CNTNAP4: variants seen among roughly 807,000 people sequenced by gnomAD.
The protein encoded by CNTNAP4 is contactin associated protein family member 4.
In CNTNAP4, 98 loss-of-function variants were observed where a neutral mutation model predicts 148.4. The observed-to-expected ratio is 0.66, with a 90% CI of 0.56 to 0.78. CNTNAP4 has a LOEUF of 0.78. CNTNAP4 is among the 30% of genes least tolerant of loss of function. CNTNAP4 has a pLI of 0.00. For synonymous variants in CNTNAP4, 730 were observed against 565.1 expected (o/e 1.29, Z -4.14); for missense variants, 1,935 against 1,565.6 (o/e 1.24, Z -3.98).
intron 17 of CNTNAP4, among the ~76,000 whole-genome samples, chr16:76,523,611 A>ATT (rs1442906907): frequency 5.9e-5 from 9 of 152,166 alleles, no homozygotes; most frequent in Non-Finnish European, 1.2e-4. Context: ...ATAAAACACT[A>ATT]TAAAGCAGAA....
At chr16:76,406,825 GA>G (rs2078613829) in intron 3 of CNTNAP4, among the ~76,000 whole-genome samples, 1 of 152,166 alleles carries the variant, frequency 6.6e-6, no homozygotes, top group African/African-American at 2.4e-5. Context: ...GTTGGTTCAT[GA>G]GGTTCAAGAA....
chr16:76,338,630 C>G (rs1228581002), intron 2 of CNTNAP4, among the ~76,000 whole-genome samples: 1 of 152,134 alleles, frequency 6.6e-6, no homozygotes, highest in Non-Finnish European at 1.5e-5. Context: ...ATCTGCATCA[C>G]CTGCTGATGT....
intron 14 of CNTNAP4, among the ~76,000 whole-genome samples, chr16:76,497,765 C>A (rs1368111198): frequency 6.6e-6 from 1 of 152,052 alleles, no homozygotes; most frequent in East Asian, 1.9e-4. Context: ...ATGGGTGCAG[C>A]AAACTACCAT....
At chr16:76,349,450 A>G (rs1189386793) in intron 2 of CNTNAP4, among the ~76,000 whole-genome samples, 1 of 152,158 alleles carries the variant, frequency 6.6e-6, no homozygotes, top group Non-Finnish European at 1.5e-5. Context: ...GCTGAAACAA[A>G]CAACACTGGT....
At chr16:76,518,336 C>G (rs748631603) in intron 15 of CNTNAP4, among the ~76,000 whole-genome samples, 8 of 152,038 alleles carry the variant, frequency 5.3e-5, no homozygotes. Context: ...CCATGTTGTT[C>G]AGACTGGTCT....
intron 12 of CNTNAP4, among the ~76,000 whole-genome samples, chr16:76,485,231 C>A (rs2081987531): frequency 6.6e-6 from 1 of 152,190 alleles, no homozygotes. Context: ...ATTTCTCCTG[C>A]CTCAGCCTCC....
At chr16:76,517,124 T>C (rs1254934709) in intron 15 of CNTNAP4, among the ~76,000 whole-genome samples, 1 of 152,214 alleles carries the variant, frequency 6.6e-6, no homozygotes, top group Non-Finnish European at 1.5e-5. Context: ...CTGCATATTT[T>C]ATGCTTTTAT....
chr16:76,390,867 TA>T (rs527456725), intron 3 of CNTNAP4, among the ~76,000 whole-genome samples: 11 of 152,288 alleles, frequency 7.2e-5, no homozygotes, highest in African/African-American at 2.6e-4. Flanking sequence ...TTTTCTTTTT[TA>T]AAAAATTTTT....
intron 15 of CNTNAP4, among the ~76,000 whole-genome samples, chr16:76,517,753 C>G (rs2083304058): frequency 6.6e-6 from 1 of 152,082 alleles, no homozygotes; most frequent in South Asian, 2.1e-4. Context: ...GTAACAATGA[C>G]CACACCAATT....
intron 3 of CNTNAP4, among the ~76,000 whole-genome samples, chr16:76,386,716 G>T (rs543074772): frequency 7.2e-5 from 11 of 152,062 alleles, no homozygotes; most frequent in East Asian, 1.9e-4. Context: ...CTACCTTAAC[G>T]TTGGGACCTA....
Position 76,560,640 on chromosome 16 carries a change from T to C in CNTNAP4, c.*1957T>C, listed in dbSNP as rs2085378810. Among the ~76,000 whole-genome samples the C allele has an allele frequency of 6.6e-6, 1 of 152,232 alleles. No individual in the cohort carries two copies. The highest frequency in any genetic ancestry group is 6.5e-5 in the Admixed American group (1 of 15,280). On this transcript the variant is annotated 3_prime_UTR_variant, in exon 24 of 24. Coordinates refer to ENST00000611870, the MANE Select transcript of CNTNAP4 (RefSeq NM_033401.5). ...CCTCACAGTCCTCTGTGGTCTGCAC[T>C]GCTAGAGACTCAACATTATGGCATG...
intron 15 of CNTNAP4, among the ~76,000 whole-genome samples, chr16:76,502,396 A>G (rs576695081): frequency 2.0e-5 from 3 of 150,418 alleles, no homozygotes; most frequent in Admixed American, 2.0e-4. Flanking sequence ...TTCATTTCCA[A>G]GTGAGGCTCA....
At chr16:76,434,003 C>A (rs1247052319) in intron 4 of CNTNAP4, among the ~76,000 whole-genome samples, 2 of 142,384 alleles carry the variant, frequency 1.4e-5, no homozygotes, top group Non-Finnish European at 3.0e-5. Flanking sequence ...TCTAGAAAGA[C>A]AGAACTAATA....
intron 21 of CNTNAP4, among the ~76,000 whole-genome samples, chr16:76,546,842 G>T (rs1214739136): frequency 6.6e-6 from 1 of 152,144 alleles, no homozygotes; most frequent in African/African-American, 2.4e-5. Flanking sequence ...ATGTAATGGG[G>T]TGTTAGAGAT....
At chr16:76,339,027 T>A (rs973014697) in intron 2 of CNTNAP4, among the ~76,000 whole-genome samples, 4 of 152,262 alleles carry the variant, frequency 2.6e-5, no homozygotes, top group Admixed American at 6.5e-5. Context: ...GTAGTAGTAG[T>A]GATTAGAATG....
chr16:76,376,332 A>C (rs941539137), intron 3 of CNTNAP4, among the ~76,000 whole-genome samples: 4 of 152,188 alleles, frequency 2.6e-5, no homozygotes, highest in African/African-American at 9.7e-5. Context: ...AAAACAGCAA[A>C]TACTACCCCA....
intron 1 of CNTNAP4, among the ~76,000 whole-genome samples, chr16:76,286,174 AGTGTGTGTGTGTGTGTGTGTGT>A (rs57003243): frequency 3.7e-5 from 5 of 134,912 alleles, no homozygotes; most frequent in African/African-American, 5.5e-5. Context: ...TAGAATTATC[AGTGTGTGTGTGTGTGTGTGTGT>A]GTGTGTGTGT....
intron 23 of CNTNAP4, among the ~76,000 whole-genome samples, chr16:76,556,021 A>G (rs1024087916): frequency 6.6e-6 from 1 of 152,186 alleles, no homozygotes; most frequent in African/African-American, 2.4e-5. Context: ...TCCTTTGTTC[A>G]TTGTCTAGTC....
At chr16:76,480,503 T>G (rs958088818) in intron 12 of CNTNAP4, among the ~76,000 whole-genome samples, 6 of 152,120 alleles carry the variant, frequency 3.9e-5, no homozygotes, top group African/African-American at 1.2e-4. Flanking sequence ...CCCAGCACTT[T>G]GGGAGGTGGG....
Sources: allele counts gnomAD v4.1 joint callset (sites outside exome capture counted in the v4.1 genomes callset), GRCh38; gene constraint gnomAD v4.1.1; transcripts MANE v1.5; gene names NCBI Gene and HGNC (gene_info 2026-07-23, HGNC 2026-07-21).